The following EPHX1 variants were observed in gnomAD, a reference collection of about 807,000 sequenced individuals.
The protein encoded by EPHX1 is epoxide hydrolase 1, also known as epoxide hydratase.
A neutral mutation model predicts 43.2 loss-of-function variants in EPHX1; 40 were observed. The ratio of observed to expected loss-of-function variants is 0.93; its 90% CI spans 0.72 to 1.21. EPHX1 has a LOEUF of 1.21. Ranked by LOEUF, EPHX1 falls within the 50% of genes most tolerant of loss-of-function variation. The pLI, the probability that EPHX1 is intolerant of heterozygous loss-of-function variation, is 0.00. For synonymous variants in EPHX1, 221 were observed against 226.7 expected (o/e 0.98, Z 0.22); for missense variants, 550 against 570.4 (o/e 0.96, Z 0.36).
intron 8 of EPHX1, 61 bp from the exon 9 acceptor site, chr1:225,845,085 G>C (rs1668832077): frequency 6.4e-7 from 1 of 1,569,266 alleles, no homozygotes; most frequent in Admixed American, 1.7e-5. Flanking sequence ...ACCCCCTGCT[G>C]TGCAGGACGG....
At chr1:225,835,149 G>A (rs1188934411) in intron 3 of EPHX1, among the ~76,000 whole-genome samples, 3 of 152,120 alleles carry the variant, frequency 2.0e-5, no homozygotes, top group African/African-American at 4.8e-5. Context: ...GAGGCAGGAG[G>A]CAGTAAAGGG....
chr1:225,838,605 T>C, intron 3 of EPHX1, 49 bp from the exon 4 acceptor site: 1 of 1,538,060 alleles, frequency 6.5e-7, no homozygotes, highest in South Asian at 1.1e-5. Context: ...AGCCTGACCG[T>C]GCAGGGTCTT....
intron 8 of EPHX1, 39 bp from the exon 9 acceptor site, chr1:225,845,107 G>GC: frequency 6.2e-7 from 1 of 1,608,108 alleles, no homozygotes. Context: ...GGGGCGCAGG[G>GC]CCACAGCCTC....
At chr1:225,829,446 G>A (rs1184173053) in intron 2 of EPHX1, among the ~76,000 whole-genome samples, 3 of 152,196 alleles carry the variant, frequency 2.0e-5, no homozygotes, top group Admixed American at 1.3e-4. Context: ...CGTTCAAGGC[G>A]GCCTAGCTAA....
intron 5 of EPHX1, 137 bp downstream of exon 5, chr1:225,839,483 G>A (rs1460159404): frequency 6.7e-6 from 10 of 1,493,242 alleles, no homozygotes; most frequent in Admixed American, 2.0e-5. Flanking sequence ...TCACTCAGCA[G>A]TGCCTGAGGC....
intron 7 of EPHX1, among the ~76,000 whole-genome samples, chr1:225,843,899 C>G (rs1234528939): frequency 1.3e-5 from 2 of 152,172 alleles, no homozygotes; most frequent in Non-Finnish European, 2.9e-5. Context: ...TTCCCTTTAT[C>G]TCTGTCCCTG....
chr1:225,833,880 A>G (rs112653426), intron 3 of EPHX1, among the ~76,000 whole-genome samples: 20,345 of 149,972 alleles, frequency 0.14, 1,750 homozygotes, highest in Non-Finnish European at 0.18. Context: ...GGCAGATCAC[A>G]AGGTCAGGAG....
At chr1:225,831,561 A>G (rs959513404) in intron 2 of EPHX1, among the ~76,000 whole-genome samples, 1 of 45,710 alleles carries the variant, frequency 2.2e-5, no homozygotes, top group Non-Finnish European at 5.3e-5. Context: ...AAAAAAAAAG[A>G]AAAAAGAAAA....
Position 225,839,841 on chromosome 1 carries a change from C to T in EPHX1, c.735C>T (p.Gly245=). ...MAQLVPSHVK[G]LHLNMALVLS... ...TCTCTGCCTTCAGCCACGTGAAAGG[C>T]CTGCACTTGAACATGGCTTTGGTTT... Residue 245 remains glycine, a synonymous_variant, in exon 6 of 9, where the codon GGC becomes GGT. Coordinates refer to ENST00000272167, the MANE Select transcript of EPHX1 (RefSeq NM_001136018.4). The T allele has an allele frequency of 6.2e-7, 1 of 1,614,004 alleles. No homozygotes were observed. The highest frequency in any genetic ancestry group is 2.2e-5 in the East Asian group (1 of 44,876).
chr1:225,832,183 A>G (rs2102729523), intron 3 of EPHX1: 1 of 568,494 alleles, frequency 1.8e-6, no homozygotes, highest in East Asian at 3.2e-5. Flanking sequence ...CAATTTAAAA[A>G]CCAAAGAAAT....
chr1:225,813,203 ACTT>A (rs1666566440), intron 1 of EPHX1, among the ~76,000 whole-genome samples: 1 of 152,234 alleles, frequency 6.6e-6, no homozygotes, highest in African/African-American at 2.4e-5. Context: ...CAGTGAAGAC[ACTT>A]CAACTAGAGT....
intron 6 of EPHX1, among the ~76,000 whole-genome samples, chr1:225,840,574 T>C (rs1668314743): frequency 6.6e-6 from 1 of 152,236 alleles, no homozygotes; most frequent in Non-Finnish European, 1.5e-5. Flanking sequence ...CTGAAATTAA[T>C]TTGCTAACAG....
At chr1:225,828,625 G>T in intron 1 of EPHX1, 100 bp from the exon 2 acceptor site, 1 of 1,109,162 alleles carries the variant, frequency 9.0e-7, no homozygotes, top group Non-Finnish European at 1.3e-6. Flanking sequence ...GGACAGGGTT[G>T]GAGCGCAGCA....
At position 225,831,838 on chromosome 1, in the gene EPHX1, C is replaced by T. The variant is rs1323946054; in HGVS notation, c.243C>T (p.Phe81=). The T allele has an allele frequency of 6.2e-7, 1 of 1,614,204 alleles. No homozygotes were observed. Among genetic ancestry groups the T allele is most frequent in the Admixed American group, 1.7e-5 (1 of 60,014 alleles). ...RFTPPLEDSC[F]HYGFNSNYLK... The stretch of plus-strand genomic sequence containing the variant: ...CCCCACCTTTGGAGGACAGCTGCTT[C>T]CACTATGGCTTCAACTCCAACTACC... Residue 81 remains phenylalanine (F), a synonymous_variant, in exon 3 of 9, where the codon TTC becomes TTT. Coordinates refer to ENST00000272167, the MANE Select transcript of EPHX1 (RefSeq NM_001136018.4).
chr1:225,830,706 C>T (rs1667532676), intron 2 of EPHX1, among the ~76,000 whole-genome samples: 1 of 152,168 alleles, frequency 6.6e-6, no homozygotes, highest in Non-Finnish European at 1.5e-5. Flanking sequence ...TTCAAGTGAT[C>T]CACCTGCCTT....
At chr1:225,831,406 G>A (rs985369774) in intron 2 of EPHX1, among the ~76,000 whole-genome samples, 4 of 152,020 alleles carry the variant, frequency 2.6e-5, no homozygotes, top group African/African-American at 9.7e-5. Context: ...AAAATTAGCC[G>A]GACATGGTGG....
Position 225,839,860 on chromosome 1 carries a change from T to C in EPHX1, c.754T>C (p.Leu252=), listed in dbSNP as rs776911467. ...GAAAGGCCTGCACTTGAACATGGCT[T>C]TGGTTTTAAGCAACTTCTCTACCCT... ...HVKGLHLNMA[L]VLSNFSTLTL... The change falls in exon 6 of 9, where the codon TTG becomes CTG. Residue 252 remains leucine, a synonymous_variant. Coordinates refer to ENST00000272167, the MANE Select transcript of EPHX1 (RefSeq NM_001136018.4). The C allele has an allele frequency of 6.2e-7, 1 of 1,614,064 alleles. No individual in the cohort carries two copies. The highest frequency in any genetic ancestry group is 2.2e-5 in the East Asian group (1 of 44,862).
intron 1 of EPHX1, among the ~76,000 whole-genome samples, chr1:225,811,872 G>T (rs536944551): frequency 1.7e-4 from 26 of 152,340 alleles, no homozygotes; most frequent in African/African-American, 5.8e-4. Context: ...GCATGCCCTC[G>T]TGGGATTTGC....
At chr1:225,831,747 C>T (rs749294431) in intron 2 of EPHX1, 32 bp from the exon 3 acceptor site, 1 of 1,611,060 alleles carries the variant, frequency 6.2e-7, no homozygotes, top group Non-Finnish European at 8.5e-7. Context: ...CTTCCCATCC[C>T]TCTCAACTTG....
Sources: allele counts gnomAD v4.1 joint callset (sites outside exome capture counted in the v4.1 genomes callset), GRCh38; gene constraint gnomAD v4.1.1; transcripts MANE v1.5; gene names NCBI Gene and HGNC (gene_info 2026-07-23, HGNC 2026-07-21).